ENOX1: variants seen among roughly 807,000 people sequenced by gnomAD.
ENOX1 encodes ecto-NOX disulfide-thiol exchanger 1.
A neutral mutation model predicts 82.5 loss-of-function variants in ENOX1; 42 were observed. The observed-to-expected ratio is 0.51, with a 90% CI of 0.40 to 0.66. The LOEUF (loss-of-function observed/expected upper bound fraction) is 0.66. Among genes scored for constraint, ENOX1 ranks in the 30% least tolerant of loss-of-function variants. The pLI, the probability that ENOX1 is intolerant of heterozygous loss-of-function variation, is 0.00. For missense variants in ENOX1, 608 were observed against 811.6 expected (o/e 0.75, Z 3.05); for synonymous variants, 271 against 282.2 (o/e 0.96, Z 0.40).
At chr13:43,476,256 A>C (rs1172265044) in intron 3 of ENOX1, among the ~76,000 whole-genome samples, 1 of 152,166 alleles carries the variant, frequency 6.6e-6, no homozygotes, top group Non-Finnish European at 1.5e-5. Context: ...AAAATCTACC[A>C]AAAATACAAA....
rs553504525 is a variant in ENOX1 at position 43,541,173 on chromosome 13, G to GTTTTTTTTTT, written c.-218-57031_-218-57022dup. 1.1e-4 allele frequency among the ~76,000 whole-genome samples: 7 copies of GTTTTTTTTTT among 64,582 alleles called. 2 individuals are homozygous for GTTTTTTTTTT. The highest frequency in any genetic ancestry group is 2.7e-3 in the South Asian group (2 of 738). 42.4% of individuals were successfully genotyped at this position (64,582 alleles called of 152,430 possible). On this transcript the variant is annotated intron_variant, in intron 2 of 16. Coordinates refer to ENST00000690772, the MANE Select transcript of ENOX1 (RefSeq NM_001347969.2). ...CTCCAACCTTACACTTCTTCCCTCT[G>GTTTTTTTTTT]TTTTTTTTTTTTTTTTTTTTTTTTT...
chr13:43,766,697 A>G (rs949549840), intron 1 of ENOX1, among the ~76,000 whole-genome samples: 1 of 152,228 alleles, frequency 6.6e-6, no homozygotes, highest in African/African-American at 2.4e-5. Context: ...TCAGAAGAGT[A>G]AAATAGACTT....
At chr13:43,325,010 C>T (rs1476368360) in intron 10 of ENOX1, among the ~76,000 whole-genome samples, 2 of 152,192 alleles carry the variant, frequency 1.3e-5, no homozygotes, top group African/African-American at 4.8e-5. Flanking sequence ...AAATAATTCA[C>T]AGACTGATCA....
At chr13:43,492,902 C>T (rs2076669902) in intron 2 of ENOX1, among the ~76,000 whole-genome samples, 1 of 152,158 alleles carries the variant, frequency 6.6e-6, no homozygotes, top group Non-Finnish European at 1.5e-5. Context: ...AATTAGTAGA[C>T]ACTGAGTAAA....
Position 43,647,072 on chromosome 13 carries a change from C to T in ENOX1, c.-219+20407G>A, listed in dbSNP as rs565567221. On this transcript the variant is annotated intron_variant, in intron 2 of 16. Coordinates refer to ENST00000690772, the MANE Select transcript of ENOX1 (RefSeq NM_001347969.2). ...GCACCCATTCTGGCCCTCTCAGAGG[C>T]GTCTTTGGCTACTCTCTAATGGACC... Among the ~76,000 whole-genome samples, 13 of 152,218 alleles carry T rather than the reference C, an allele frequency of 8.5e-5. No homozygotes were observed. The South Asian group carries it at 1.7e-3, about 19-fold the overall frequency.
intron 3 of ENOX1, among the ~76,000 whole-genome samples, chr13:43,466,903 G>C (rs2057750665): frequency 6.6e-6 from 1 of 152,156 alleles, no homozygotes; most frequent in African/African-American, 2.4e-5. Flanking sequence ...TATGTAGTCT[G>C]TGTGTCTGGC....
chr13:43,715,189 T>C (rs974219151), intron 1 of ENOX1, among the ~76,000 whole-genome samples: 4 of 152,230 alleles, frequency 2.6e-5, no homozygotes, highest in African/African-American at 9.6e-5. Flanking sequence ...TGGCTGGATA[T>C]GAAATTCTGG....
At position 43,356,131 on chromosome 13, in the gene ENOX1, G is replaced by C. The variant is rs1208491319; in HGVS notation, c.611C>G (p.Ser204Cys). The change falls in exon 8 of 17, where the codon TCT (serine) becomes TGT (cysteine). Residue 204 changes from serine to cysteine, a missense_variant. Transcript: ENST00000690772. The part of the protein sequence containing the change: ...YLSGYRMRLG[S>C]STDKKDSGRL... ...GCCTGAATCCTTTTTGTCGGTGCTA[G>C]ACCCTAATCGCATCCTATAACCTGA... 6.2e-7 allele frequency: 1 copy of C among 1,614,174 alleles called. No homozygotes were observed. Among genetic ancestry groups the C allele is most frequent in the Non-Finnish European group, 8.5e-7 (1 of 1,180,030 alleles).
At chr13:43,697,375 AAAG>A (rs1212714899) in intron 1 of ENOX1, among the ~76,000 whole-genome samples, 8 of 152,222 alleles carry the variant, frequency 5.3e-5, no homozygotes, top group Admixed American at 2.0e-4. Flanking sequence ...ACTGCAGAAC[AAAG>A]AAGACCAGGA....
intron 2 of ENOX1, among the ~76,000 whole-genome samples, chr13:43,581,134 T>C: frequency 7.7e-6 from 1 of 130,654 alleles, no homozygotes; most frequent in Non-Finnish European, 1.6e-5. Flanking sequence ...TCTTTTTTTT[T>C]TTTTTTTTTT....
intron 12 of ENOX1, among the ~76,000 whole-genome samples, chr13:43,291,069 T>C (rs1301494627): frequency 6.6e-6 from 1 of 152,192 alleles, no homozygotes; most frequent in African/African-American, 2.4e-5. Flanking sequence ...TTAAAAGCTC[T>C]TAGAATACAA....
At chr13:43,281,469 A>C (rs1274140721) in intron 12 of ENOX1, among the ~76,000 whole-genome samples, 1 of 152,214 alleles carries the variant, frequency 6.6e-6, no homozygotes, top group Non-Finnish European at 1.5e-5. Flanking sequence ...GAATGATAAC[A>C]GCAAAAAAGG....
chr13:43,533,186 T>C (rs1299583923), intron 2 of ENOX1, among the ~76,000 whole-genome samples: 2 of 152,132 alleles, frequency 1.3e-5, no homozygotes, highest in African/African-American at 4.8e-5. Flanking sequence ...AGTAATGACC[T>C]GATTTTGGAG....
chr13:43,746,327 T>C (rs1950016565), intron 1 of ENOX1, among the ~76,000 whole-genome samples: 1 of 152,082 alleles, frequency 6.6e-6, no homozygotes, highest in Non-Finnish European at 1.5e-5. Flanking sequence ...AAAAAAACTT[T>C]AAAGAATAAA....
chr13:43,654,365 G>C (rs1333647337), intron 2 of ENOX1, among the ~76,000 whole-genome samples: 2 of 152,054 alleles, frequency 1.3e-5, no homozygotes, highest in Non-Finnish European at 2.9e-5. Flanking sequence ...TGTGATTTTT[G>C]GACTTACCAG....
At chr13:43,474,146 G>A (rs536333563) in intron 3 of ENOX1, among the ~76,000 whole-genome samples, 201 of 152,174 alleles carry the variant, frequency 1.3e-3, no homozygotes, top group Non-Finnish European at 2.1e-3. Flanking sequence ...TATCATCCTG[G>A]AGCAAAACTC....
chr13:43,486,758 A>G (rs974194724), intron 2 of ENOX1, among the ~76,000 whole-genome samples: 12 of 152,226 alleles, frequency 7.9e-5, no homozygotes, highest in Admixed American at 2.0e-4. Flanking sequence ...CTAAAACTGT[A>G]TAACTTAGCC....
At chr13:43,547,338 T>TA (rs1469356466) in intron 2 of ENOX1, 67 of 152,280 alleles carry the variant, frequency 4.4e-4, no homozygotes, top group African/African-American at 1.5e-3. Flanking sequence ...AAGCCAGAGA[T>TA]AAAAGTATGG....
chr13:43,505,067 T>C (rs1405227983), intron 2 of ENOX1, among the ~76,000 whole-genome samples: 2 of 151,788 alleles, frequency 1.3e-5, no homozygotes, highest in African/African-American at 4.8e-5. Context: ...GAAACACCTA[T>C]CTTTTGGTGA....
Sources: gnomAD v4.1 joint callset for allele counts (sites outside exome capture counted in the v4.1 genomes callset) on GRCh38, gnomAD v4.1.1 for gene constraint, MANE v1.5 for transcripts, NCBI Gene and HGNC (gene_info 2026-07-23, HGNC 2026-07-21) for gene names.